OPCML: variants seen among roughly 807,000 people sequenced by gnomAD.
OPCML encodes opioid binding protein/cell adhesion molecule like.
OPCML carries 13 observed loss-of-function variants against 37.8 expected under a neutral mutation model. That is an observed-to-expected ratio of 0.34 (90% CI 0.22 to 0.55). OPCML has a LOEUF of 0.55. OPCML is among the 20% of genes least tolerant of loss of function. OPCML has a pLI of 0.91. For missense variants in OPCML, 341 were observed against 435.6 expected (o/e 0.78, Z 1.93); for synonymous variants, 176 against 168.8 (o/e 1.04, Z -0.33).
At chr11:132,695,707 C>T (rs537489632) in intron 2 of OPCML, among the ~76,000 whole-genome samples, 1 of 152,290 alleles carries the variant, frequency 6.6e-6, no homozygotes, top group South Asian at 2.1e-4. Flanking sequence ...GCGATTTCTT[C>T]TTCCTGACAC....
At chr11:133,523,215 G>A (rs758569968) in intron 1 of OPCML, among the ~76,000 whole-genome samples, 3 of 152,116 alleles carry the variant, frequency 2.0e-5, no homozygotes, top group African/African-American at 4.8e-5. Flanking sequence ...TTATTAGACC[G>A]CCAAGAAGTA....
At chr11:133,058,784 C>A (rs1332269484) in intron 1 of OPCML, among the ~76,000 whole-genome samples, 3 of 152,216 alleles carry the variant, frequency 2.0e-5, no homozygotes, top group African/African-American at 7.2e-5. Flanking sequence ...AGAGTCTATA[C>A]ATAACCTAAG....
At chr11:132,670,834 T>C (rs756862829) in intron 2 of OPCML, among the ~76,000 whole-genome samples, 35 of 152,200 alleles carry the variant, frequency 2.3e-4, no homozygotes, top group Non-Finnish European at 3.5e-4. Context: ...AGAGTAATGA[T>C]ACCCCTCATG....
chr11:133,452,835 G>T (rs1218480011), intron 1 of OPCML, among the ~76,000 whole-genome samples: 11 of 151,554 alleles, frequency 7.3e-5, no homozygotes, highest in Non-Finnish European at 1.2e-4. Flanking sequence ...GGGGAAATTT[G>T]CTTAGCATCC....
intron 1 of OPCML, among the ~76,000 whole-genome samples, chr11:133,458,801 GTGTA>G (rs1946784284): frequency 6.6e-6 from 1 of 151,036 alleles, no homozygotes; most frequent in African/African-American, 2.4e-5. Flanking sequence ...GCACGTGTGT[GTGTA>G]TATACACATA....
At chr11:132,534,561 T>C (rs11223106) in intron 3 of OPCML, among the ~76,000 whole-genome samples, 16,381 of 152,182 alleles carry the variant, frequency 0.11, 2,090 homozygotes, top group African/African-American at 0.31. Context: ...TTAGTTGGGA[T>C]TGAAATGTGT....
In OPCML at chr11:133,484,537, CAAG is replaced by C. The variant is rs537431534; in HGVS notation, c.61+47724_61+47726del. 7.4e-3 allele frequency among the ~76,000 whole-genome samples: 1,125 copies of C among 152,062 alleles called. 4 individuals carry two copies. The highest frequency in any genetic ancestry group is 0.012 in the Admixed American group (185 of 15,266). ...AAAGAACAGAGCCAAGAAAGGAAAT[CAAG>C]AAGAACTGAGGACACATAACAGATA... On this transcript the variant is annotated intron_variant, in intron 1 of 7. Coordinates refer to ENST00000524381, the MANE Select transcript of OPCML (RefSeq NM_001012393.5).
intron 1 of OPCML, among the ~76,000 whole-genome samples, chr11:133,480,536 G>C (rs1170236514): frequency 2.0e-5 from 3 of 152,178 alleles, no homozygotes; most frequent in African/African-American, 7.2e-5. Flanking sequence ...CTCCCTCTTT[G>C]AGACTTGAAC....
At chr11:133,024,246 C>G (rs1431071526) in intron 1 of OPCML, 17 of 614,506 alleles carry the variant, frequency 2.8e-5, no homozygotes, top group Non-Finnish European at 3.5e-5. Flanking sequence ...TGGTGGGGGG[C>G]TGGGGTGAGA....
intron 7 of OPCML, among the ~76,000 whole-genome samples, chr11:132,421,945 T>G (rs2095960737): frequency 6.6e-6 from 1 of 152,130 alleles, no homozygotes; most frequent in Non-Finnish European, 1.5e-5. Context: ...TAAATAAGTT[T>G]ATTTACATTT....
chr11:133,005,293 T>A, intron 1 of OPCML: 2 of 985,398 alleles, frequency 2.0e-6, no homozygotes, highest in South Asian at 9.4e-5. Flanking sequence ...AATGAATGAA[T>A]GAATGGCTAG....
chr11:132,546,135 T>A (rs1198388857), intron 3 of OPCML, among the ~76,000 whole-genome samples: 1 of 152,234 alleles, frequency 6.6e-6, no homozygotes, highest in East Asian at 1.9e-4. Context: ...TGGTTTTGAT[T>A]ACATCATGTC....
chr11:132,872,272 G>A (rs1023511014), intron 2 of OPCML, among the ~76,000 whole-genome samples: 8 of 152,124 alleles, frequency 5.3e-5, no homozygotes, highest in Non-Finnish European at 1.2e-4. Context: ...TTAAGGCTTT[G>A]TTTTTTTCTA....
rs574306270 is a variant in OPCML, at chr11:132,872,220, G to A, written c.146+70706C>T. Among the ~76,000 whole-genome samples, 7 of 152,274 alleles carry A rather than the reference G, an allele frequency of 4.6e-5. No individual in the cohort carries two copies. In the South Asian group the frequency reaches 1.4e-3, roughly 32 times the overall value. Reference sequence around the variant, plus strand: ...CAAAAGGAAAAATTCTTTTTCTAAAGATATTCAGAAGAATATAACCTGCAT... The same window carrying A: ...CAAAAGGAAAAATTCTTTTTCTAAAAATATTCAGAAGAATATAACCTGCAT... On this transcript the variant is annotated intron_variant, in intron 2 of 7. Coordinates refer to ENST00000524381, the MANE Select transcript of OPCML (RefSeq NM_001012393.5).
At chr11:133,047,870 C>T (rs1421740634) in intron 1 of OPCML, among the ~76,000 whole-genome samples, 1 of 152,158 alleles carries the variant, frequency 6.6e-6, no homozygotes, top group African/African-American at 2.4e-5. Flanking sequence ...TGAAGAATCC[C>T]CTGGGAGATG....
At chr11:133,360,959 G>C (rs1944400065) in intron 1 of OPCML, 1 of 152,438 alleles carries the variant, frequency 6.6e-6, no homozygotes, top group African/African-American at 2.4e-5. Flanking sequence ...CACGTGAAGT[G>C]CTCGAATGCC....
intron 3 of OPCML, among the ~76,000 whole-genome samples, chr11:132,648,647 G>A (rs1001432224): frequency 7.3e-5 from 11 of 151,616 alleles, no homozygotes; most frequent in Non-Finnish European, 1.3e-4. Flanking sequence ...GACTACGGGC[G>A]CACGCCACCA....
chr11:133,217,604 G>A (rs1214916709), intron 1 of OPCML, among the ~76,000 whole-genome samples: 2 of 152,204 alleles, frequency 1.3e-5, no homozygotes, highest in Admixed American at 6.5e-5. Flanking sequence ...CACTGCCTGT[G>A]CATTTCCTTG....
chr11:132,927,015 A>G (rs1945018747), intron 2 of OPCML, among the ~76,000 whole-genome samples: 1 of 152,140 alleles, frequency 6.6e-6, no homozygotes. Context: ...TCTGAAGATT[A>G]AAGAAAGAAG....
Sources: allele counts gnomAD v4.1 joint callset (sites outside exome capture counted in the v4.1 genomes callset), GRCh38; gene constraint gnomAD v4.1.1; transcripts MANE v1.5; gene names NCBI Gene and HGNC (gene_info 2026-07-23, HGNC 2026-07-21).